The following NPEPPS variants were observed in gnomAD, a reference collection of about 807,000 sequenced individuals.
NPEPPS encodes puromycin-sensitive aminopeptidase.
Under a neutral mutation model 115.5 loss-of-function variants are expected in NPEPPS, and 14 were observed. The ratio of observed to expected loss-of-function variants is 0.12; its 90% CI spans 0.08 to 0.19. The LOEUF is 0.19. Ranked by LOEUF, NPEPPS falls within the 10% of genes least tolerant of loss-of-function variation. The pLI is 1.00. For missense variants in NPEPPS, 523 were observed against 1,110.8 expected (o/e 0.47, Z 7.52); for synonymous variants, 285 against 390.6 (o/e 0.73, Z 3.19).
chr17:47,573,699 G>A (rs1199877053), intron 3 of NPEPPS, among the ~76,000 whole-genome samples: 1 of 152,282 alleles, frequency 6.6e-6, no homozygotes, highest in Admixed American at 6.5e-5. Flanking sequence ...GCGCCTGGGC[G>A]ACAGAGCAAG....
At chr17:47,531,873 C>G (rs1254705642) in intron 1 of NPEPPS, among the ~76,000 whole-genome samples, 3 of 152,162 alleles carry the variant, frequency 2.0e-5, no homozygotes, top group Non-Finnish European at 2.9e-5. Context: ...GCTTTCCCCC[C>G]CGCCCCGGAC....
Position 47,622,794 on chromosome 17 carries a change from C to G in NPEPPS, c.*874C>G. The G allele has an allele frequency of 2.3e-6, 1 of 438,298 alleles. No individual in the cohort carries two copies. Among genetic ancestry groups the G allele is most frequent in the Non-Finnish European group, 4.5e-6 (1 of 222,026 alleles). The allele number at this position is 438,298 out of a possible 1,614,324, so 27.2% of individuals were successfully genotyped here. A position where few individuals can be genotyped will look rare whatever the true frequency, so the allele number is the denominator to read the frequency against. On this transcript the variant is annotated 3_prime_UTR_variant, in exon 23 of 23. Transcript: ENST00000322157. Reference sequence around the variant, plus strand: ...CAATAGAAATAAAAAGATCTTCAGCCAGGCCTTTCTGAAGGAGTTATTCTG... The same window carrying G: ...CAATAGAAATAAAAAGATCTTCAGCGAGGCCTTTCTGAAGGAGTTATTCTG...
chr17:47,609,659 C>T (rs1913722794), intron 17 of NPEPPS, among the ~76,000 whole-genome samples: 1 of 152,140 alleles, frequency 6.6e-6, no homozygotes, highest in African/African-American at 2.4e-5. Context: ...CAAACACATA[C>T]CACATTTCCA....
intron 2 of NPEPPS, among the ~76,000 whole-genome samples, chr17:47,562,785 T>TA (rs3065310): frequency 0.01 from 1,486 of 146,370 alleles, 17 homozygotes; most frequent in South Asian, 0.029. Context: ...TAGTTAATTG[T>TA]AAAAAAAAAA....
chr17:47,601,084 AT>A (rs1913166526), intron 14 of NPEPPS, among the ~76,000 whole-genome samples: 1 of 151,992 alleles, frequency 6.6e-6, no homozygotes, highest in African/African-American at 2.4e-5. Flanking sequence ...AAAATATTGT[AT>A]ATTTTTGGGC....
chr17:47,587,299 G>A lies in NPEPPS; in HGVS notation c.1050G>A (p.Val350=), dbSNP rs2085667669. 1 of 1,609,538 alleles carries A rather than the reference G, an allele frequency of 6.2e-7. No individual in the cohort carries two copies. Among genetic ancestry groups the A allele is most frequent in the Admixed American group, 1.7e-5 (1 of 59,184 alleles). The part of the protein sequence containing the change: ...SSSRQWVALV[V]GHELAHQWFG... ...CCCGCCAGTGGGTTGCTCTGGTTGT[G>A]GGACATGAACTCGCCCATCAATGGT... The change falls in exon 9 of 23, where the codon GTG becomes GTA. Residue 350 remains valine (V), a synonymous_variant. Coordinates refer to ENST00000322157, the MANE Select transcript of NPEPPS (RefSeq NM_006310.4).
chr17:47,605,939 G>A (rs533667006), intron 17 of NPEPPS, among the ~76,000 whole-genome samples: 12 of 152,022 alleles, frequency 7.9e-5, no homozygotes, highest in African/African-American at 2.7e-4. Context: ...GTGCAATGGC[G>A]CGATCTCGGC....
At chr17:47,603,855 A>C (rs1913375407) in intron 15 of NPEPPS, 60 bp from the exon 16 acceptor site, 1 of 1,489,768 alleles carries the variant, frequency 6.7e-7, no homozygotes, top group East Asian at 2.5e-5. Flanking sequence ...TAAACATACA[A>C]AAGGTTGATT....
In NPEPPS at chr17:47,612,595, G is replaced by A; in HGVS notation, c.2231G>A (p.Arg744Lys). 1 of 1,613,624 alleles carries A rather than the reference G, an allele frequency of 6.2e-7. No individual in the cohort carries two copies. The highest frequency in any genetic ancestry group is 8.5e-7 in the Non-Finnish European group (1 of 1,179,734). ...EGKQILSADLRSPVYLTVLKH... is the reference protein window; with the variant it reads ...EGKQILSADLKSPVYLTVLKH... The stretch of plus-strand genomic sequence containing the variant: ...AAACAGATTCTCTCCGCTGATCTGA[G>A]GAGTCCTGTAGGTTTTCATCATAAA... The change falls in exon 18 of 23, where the codon AGG becomes AAG. Residue 744 changes from arginine to lysine, a missense_variant. Physicochemically the swap from Arg to Lys is conservative, Grantham distance 26 (BLOSUM62 2). Coordinates refer to ENST00000322157, the MANE Select transcript of NPEPPS (RefSeq NM_006310.4).
At chr17:47,603,093 A>G (rs1314732780) in intron 15 of NPEPPS, among the ~76,000 whole-genome samples, 5 of 152,140 alleles carry the variant, frequency 3.3e-5, no homozygotes, top group African/African-American at 9.7e-5. Flanking sequence ...TCTCAAAACT[A>G]TTTTTTGGCT....
At chr17:47,604,526 T>C (rs887675244) in intron 16 of NPEPPS, among the ~76,000 whole-genome samples, 1 of 152,222 alleles carries the variant, frequency 6.6e-6, no homozygotes, top group Non-Finnish European at 1.5e-5. Flanking sequence ...AAGCAGCAAT[T>C]AGTATTATTT....
At chr17:47,556,261 G>T (rs1910025281) in intron 2 of NPEPPS, among the ~76,000 whole-genome samples, 1 of 150,924 alleles carries the variant, frequency 6.6e-6, no homozygotes, top group Non-Finnish European at 1.5e-5. Context: ...CTGGGTACTT[G>T]AGATTAGGGA....
intron 19 of NPEPPS, among the ~76,000 whole-genome samples, chr17:47,615,478 G>A (rs571756052): frequency 1.3e-5 from 2 of 152,204 alleles, no homozygotes; most frequent in South Asian, 4.1e-4. Context: ...GAGCGCTTGA[G>A]CCCAGGAGTT....
Position 47,622,028 on chromosome 17 carries a change from A to G in NPEPPS, c.*108A>G. On this transcript the variant is annotated 3_prime_UTR_variant, in exon 23 of 23. Coordinates refer to ENST00000322157, the MANE Select transcript of NPEPPS (RefSeq NM_006310.4). ...AGAATTTGGAGTCTTCTTTCAAACCAGTGGGGGTTGGACAATGAATGTAGT... is the reference window on the plus strand; with the variant it reads ...AGAATTTGGAGTCTTCTTTCAAACCGGTGGGGGTTGGACAATGAATGTAGT... 1 of 1,394,910 alleles carries G rather than the reference A, an allele frequency of 7.2e-7. No individual in the cohort carries two copies. Among genetic ancestry groups the G allele is most frequent in the Non-Finnish European group, 9.4e-7 (1 of 1,066,080 alleles). 86.4% of individuals were successfully genotyped at this position (1,394,910 alleles called of 1,614,324 possible). A position where few individuals can be genotyped will look rare whatever the true frequency, so the allele number is the denominator to read the frequency against.
rs1244034572 is a variant in NPEPPS, at chr17:47,543,483, A to ATTT, written c.256-2405_256-2403dup. On this transcript the variant is annotated intron_variant, in intron 1 of 22. Transcript: ENST00000322157. ...CAGGCGCGCACCACAGGCCTGGCTA[A>ATTT]TTTTTTTTTTTTTTTTTTTTTTTAG... Among the ~76,000 whole-genome samples, 827 of 118,090 alleles carry ATTT rather than the reference A, an allele frequency of 7.0e-3. 15 individuals are homozygous for ATTT. Among genetic ancestry groups the ATTT allele is most frequent in the South Asian group, 0.023 (85 of 3,722 alleles). 77.5% of individuals were successfully genotyped at this position (118,090 alleles called of 152,430 possible). A position where few individuals can be genotyped will look rare whatever the true frequency, so the allele number is the denominator to read the frequency against.
At chr17:47,573,742 T>G (rs1203980087) in intron 3 of NPEPPS, among the ~76,000 whole-genome samples, 4 of 152,292 alleles carry the variant, frequency 2.6e-5, no homozygotes, top group African/African-American at 9.6e-5. Flanking sequence ...AAAAAATAGC[T>G]GTGTAAGCAA....
At chr17:47,590,147 G>A (rs909234487) in intron 9 of NPEPPS, among the ~76,000 whole-genome samples, 1 of 152,152 alleles carries the variant, frequency 6.6e-6, no homozygotes, top group Non-Finnish European at 1.5e-5. Context: ...AGTAAGCTAC[G>A]ATGGTGCCCC....
chr17:47,525,730 C>T (rs1379255280), intron 1 of NPEPPS, among the ~76,000 whole-genome samples: 1 of 152,294 alleles, frequency 6.6e-6, no homozygotes, highest in African/African-American at 2.4e-5. Context: ...ATGGGGCATA[C>T]ATCTTGTACA....
At chr17:47,539,233 A>C (rs1908575447) in intron 1 of NPEPPS, among the ~76,000 whole-genome samples, 1 of 152,016 alleles carries the variant, frequency 6.6e-6, no homozygotes, top group African/African-American at 2.4e-5. Flanking sequence ...TGCCACATAA[A>C]TGAGCCTGCT....
Sources: gnomAD v4.1 joint callset for allele counts (sites outside exome capture counted in the v4.1 genomes callset) on GRCh38, gnomAD v4.1.1 for gene constraint, MANE v1.5 for transcripts, NCBI Gene and HGNC (gene_info 2026-07-23, HGNC 2026-07-21) for gene names.